The following EFL1 variants were observed in gnomAD, a reference collection of about 807,000 sequenced individuals.
The protein encoded by EFL1 is elongation factor like GTPase 1.
EFL1 carries 76 observed loss-of-function variants against 126.7 expected under a neutral mutation model. The observed-to-expected ratio is 0.60, with a 90% CI of 0.50 to 0.73. EFL1 has a LOEUF of 0.73. Ranked by LOEUF, EFL1 falls within the 30% of genes least tolerant of loss-of-function variation. The pLI is 0.00. For synonymous variants in EFL1, 410 were observed against 448.4 expected, an observed-to-expected ratio of 0.91 and a Z score of 1.08; for missense variants, 1,128 against 1,343.2, an observed-to-expected ratio of 0.84 and a Z score of 2.50.
At chr15:82,150,185 C>A (rs566515273) in intron 18 of EFL1, among the ~76,000 whole-genome samples, 12 of 152,228 alleles carry the variant, frequency 7.9e-5, no homozygotes, top group Middle Eastern at 3.4e-3. Flanking sequence ...TTTTCAAATG[C>A]TGCTAATGAC....
Position 82,239,358 on chromosome 15 carries a change from A to C in EFL1, c.517-837T>G, listed in dbSNP as rs570328912. Among the ~76,000 whole-genome samples, 334 of 152,106 alleles carry C rather than the reference A, an allele frequency of 2.2e-3. 1 individual carries two copies. The highest frequency in any genetic ancestry group is 7.5e-3 in the African/African-American group (310 of 41,516). ...TCACCTTGTTCGACAGGATGGTCTC[A>C]ATCTCCTGACCTCGTGATCCACCCG... On this transcript the variant is annotated intron_variant, in intron 6 of 19. Transcript: ENST00000268206.
At chr15:82,251,872 C>T (rs2075024735) in intron 4 of EFL1, among the ~76,000 whole-genome samples, 1 of 152,158 alleles carries the variant, frequency 6.6e-6, no homozygotes, top group Non-Finnish European at 1.5e-5. Context: ...AAAATTTTCA[C>T]ATACTACAAA....
At chr15:82,259,062 C>G (rs368772561) in intron 3 of EFL1, 26 bp downstream of exon 3, 1 of 1,597,290 alleles carries the variant, frequency 6.3e-7, no homozygotes, top group African/African-American at 1.3e-5. Flanking sequence ...TGAAATGCAA[C>G]AAGTATTTAT....
intron 5 of EFL1, among the ~76,000 whole-genome samples, chr15:82,240,933 C>T (rs2074924533): frequency 6.6e-6 from 1 of 152,130 alleles, no homozygotes; most frequent in East Asian, 1.9e-4. Flanking sequence ...GCCTGTAATC[C>T]CAGTTACTCT....
chr15:82,155,237 C>T lies in EFL1; in HGVS notation c.2030+2476G>A, dbSNP rs145163675. On this transcript the variant is annotated intron_variant, in intron 17 of 19. Coordinates refer to ENST00000268206, the MANE Select transcript of EFL1 (RefSeq NM_024580.6). ...TGCCATGAGGCCAGGTATGGTGGCTCACGTCTGTAATCCCAGCACTTTGGG... is the reference window on the plus strand; with the variant it reads ...TGCCATGAGGCCAGGTATGGTGGCTTACGTCTGTAATCCCAGCACTTTGGG... 8.6e-3 allele frequency among the ~76,000 whole-genome samples: 1,315 copies of T among 152,214 alleles called. 13 individuals are homozygous for T. Among genetic ancestry groups the T allele is most frequent in the African/African-American group, 0.03 (1,248 of 41,510 alleles).
At chr15:82,164,676 T>A (rs1276243753) in intron 15 of EFL1, among the ~76,000 whole-genome samples, 2 of 151,938 alleles carry the variant, frequency 1.3e-5, no homozygotes, top group Non-Finnish European at 2.9e-5. Flanking sequence ...GGCCGGCGGA[T>A]CACAAGGTCA....
chr15:82,164,017 G>A (rs763234767), intron 15 of EFL1, 33 bp from the exon 16 acceptor site: 1 of 1,606,204 alleles, frequency 6.2e-7, no homozygotes, highest in Non-Finnish European at 8.5e-7. Context: ...CGGTCAATAA[G>A]GGATGATAAA....
intron 18 of EFL1, among the ~76,000 whole-genome samples, chr15:82,147,073 G>A (rs1443715287): frequency 2.0e-5 from 3 of 152,064 alleles, no homozygotes; most frequent in Non-Finnish European, 2.9e-5. Flanking sequence ...TGAACACAGA[G>A]GGGTGACTCA....
At chr15:82,255,298 T>C (rs12913622) in intron 3 of EFL1, among the ~76,000 whole-genome samples, 5 of 152,202 alleles carry the variant, frequency 3.3e-5, no homozygotes, top group Admixed American at 2.0e-4. Flanking sequence ...CATTTAACAT[T>C]CCTTTTCTGT....
chr15:82,174,330 C>T (rs1451226800), intron 15 of EFL1: 1 of 152,066 alleles, frequency 6.6e-6, no homozygotes, highest in Non-Finnish European at 1.5e-5. Context: ...ACTGAATAAG[C>T]CTCGCCCTGG....
chr15:82,155,658 A>G (rs1045572201), intron 17 of EFL1, among the ~76,000 whole-genome samples: 7 of 152,252 alleles, frequency 4.6e-5, no homozygotes, highest in Non-Finnish European at 8.8e-5. Context: ...ATACCAAATC[A>G]TATTCCAAAA....
chr15:82,217,686 G>C (rs751284406), intron 14 of EFL1, among the ~76,000 whole-genome samples: 1 of 152,168 alleles, frequency 6.6e-6, no homozygotes, highest in Non-Finnish European at 1.5e-5. Flanking sequence ...CAGACTAAAA[G>C]TGCCCCTCCC....
intron 4 of EFL1, among the ~76,000 whole-genome samples, chr15:82,248,593 C>T (rs1330012823): frequency 6.6e-6 from 1 of 152,104 alleles, no homozygotes; most frequent in Non-Finnish European, 1.5e-5. Flanking sequence ...GCATATGGAC[C>T]TCTTTGCAGA....
chr15:82,180,466 T>C (rs1390635831), intron 15 of EFL1, among the ~76,000 whole-genome samples: 1 of 147,936 alleles, frequency 6.8e-6, no homozygotes, highest in African/African-American at 2.6e-5. Context: ...GGAAAAACAA[T>C]GACCATGGCA....
At chr15:82,136,255 T>C (rs2073721005) in intron 19 of EFL1, among the ~76,000 whole-genome samples, 1 of 152,226 alleles carries the variant, frequency 6.6e-6, no homozygotes, top group Admixed American at 6.5e-5. Context: ...CTATTTGGGA[T>C]CTGCATTTAC....
intron 16 of EFL1, among the ~76,000 whole-genome samples, chr15:82,162,301 TAAA>T (rs1334115241): frequency 6.6e-6 from 1 of 152,082 alleles, no homozygotes; most frequent in Non-Finnish European, 1.5e-5. Flanking sequence ...AATAAACAAG[TAAA>T]ATTATGGCTT....
chr15:82,219,959 A>G, intron 13 of EFL1, 119 bp downstream of exon 13: 1 of 1,490,950 alleles, frequency 6.7e-7, no homozygotes, highest in Non-Finnish European at 9.0e-7. Flanking sequence ...CAAGAATGGA[A>G]AGAATATTGA....
At chr15:82,229,573 G>C (rs1056102414) in intron 8 of EFL1, among the ~76,000 whole-genome samples, 15 of 152,182 alleles carry the variant, frequency 9.9e-5, no homozygotes, top group African/African-American at 3.6e-4. Flanking sequence ...TATGCAAAAA[G>C]TTAATAGCAA....
chr15:82,166,155 C>T (rs554174702), intron 15 of EFL1, among the ~76,000 whole-genome samples: 1 of 152,314 alleles, frequency 6.6e-6, no homozygotes, highest in Admixed American at 6.5e-5. Context: ...GACCAGCATG[C>T]ATTTCCTTCC....
Sources: allele counts gnomAD v4.1 joint callset (sites outside exome capture counted in the v4.1 genomes callset), GRCh38; gene constraint gnomAD v4.1.1; transcripts MANE v1.5; gene names NCBI Gene and HGNC (gene_info 2026-07-23, HGNC 2026-07-21).